The following TTC39C variants were observed in gnomAD, a reference collection of about 807,000 sequenced individuals.
The protein encoded by TTC39C is tetratricopeptide repeat domain 39C, also known as tetratricopeptide repeat protein 39C.
In TTC39C, 33 loss-of-function variants were observed where a neutral mutation model predicts 76.3. The observed-to-expected ratio is 0.43, with a 90% CI of 0.33 to 0.58. The LOEUF (loss-of-function observed/expected upper bound fraction) is 0.58, where lower values mean the gene tolerates loss of function less well. Among genes scored for constraint, TTC39C ranks in the 20% least tolerant of loss-of-function variants. The pLI, the probability that TTC39C is intolerant of heterozygous loss-of-function variation, is 0.04. For missense variants in TTC39C, 595 were observed against 701.4 expected, an observed-to-expected ratio of 0.85 and a Z score of 1.71; for synonymous variants, 254 against 260.6, an observed-to-expected ratio of 0.97 and a Z score of 0.24.
chr18:24,051,708 A>G (rs921093640), intron 1 of TTC39C, among the ~76,000 whole-genome samples: 4 of 152,196 alleles, frequency 2.6e-5, no homozygotes, highest in African/African-American at 7.2e-5. Flanking sequence ...GAATTTCCCC[A>G]CAGCTATCTT....
At position 24,084,608 on chromosome 18, in the gene TTC39C, C is replaced by T. The variant is rs574148346; in HGVS notation, c.984+1527C>T. Among the ~76,000 whole-genome samples, 273 of 152,070 alleles carry T rather than the reference C, an allele frequency of 1.8e-3. 1 individual carries two copies. Among genetic ancestry groups the T allele is most frequent in the Non-Finnish European group, 3.1e-3 (213 of 67,988 alleles). On this transcript the variant is annotated intron_variant, in intron 6 of 13. Coordinates refer to ENST00000317571, the MANE Select transcript of TTC39C (RefSeq NM_001135993.2). The stretch of plus-strand genomic sequence containing the variant: ...TCTTGCAATTGTTTTTCTTTGCATA[C>T]AGGCTCGTGAGCCCTTGGTTGTGTT...
intron 1 of TTC39C, chr18:24,001,670 A>G (rs2145626239): frequency 6.6e-6 from 1 of 152,294 alleles, no homozygotes; most frequent in East Asian, 1.9e-4. Context: ...CTAAGTAAAC[A>G]TTTCACAAAG....
chr18:24,118,061 G>T (rs1568444154), intron 7 of TTC39C, 64 bp from the exon 8 acceptor site: 2 of 1,315,184 alleles, frequency 1.5e-6, no homozygotes, highest in South Asian at 1.4e-5. Context: ...GAGGCTCGTG[G>T]CTTAAATATG....
At position 24,084,635 on chromosome 18, in the gene TTC39C, C is replaced by T. The variant is rs537879491; in HGVS notation, c.984+1554C>T. ...GGCTCGTGAGCCCTTGGTTGTGTTT[C>T]TCCCTTTTTTCTCTCACTGTTTTTT... On this transcript the variant is annotated intron_variant, in intron 6 of 13. Coordinates refer to ENST00000317571, the MANE Select transcript of TTC39C (RefSeq NM_001135993.2). Among the ~76,000 whole-genome samples the T allele has an allele frequency of 1.8e-4, 27 of 151,652 alleles. 1 individual carries two copies. The South Asian group carries it at 5.2e-3, about 29-fold the overall frequency.
At chr18:24,107,890 G>GGGGT (rs1555776838) in intron 6 of TTC39C, among the ~76,000 whole-genome samples, 21 of 144,060 alleles carry the variant, frequency 1.5e-4, no homozygotes, top group Admixed American at 4.0e-4. Flanking sequence ...TCCCAAGTAG[G>GGGGT]GGGGGGGGTA....
At chr18:24,104,688 T>TGTGTGTGTG (rs1555776536) in intron 6 of TTC39C, among the ~76,000 whole-genome samples, 1 of 144,738 alleles carries the variant, frequency 6.9e-6, no homozygotes, top group African/African-American at 2.6e-5. Context: ...AGCAGGGTGT[T>TGTGTGTGTG]TGTGTGTGTG....
Position 24,064,182 on chromosome 18 carries a change from T to C in TTC39C, c.210T>C (p.Ser70=). Residue 70 remains serine, a synonymous_variant, in exon 2 of 14, where the codon AGT becomes AGC. Coordinates refer to ENST00000317571, the MANE Select transcript of TTC39C (RefSeq NM_001135993.2). ...PLMSFGASFV[S]FLNAMMTFEE... ...TGAGTTTTGGAGCCAGCTTTGTCAG[T>C]TTTTTGGTAAGTTGATATCTTAAGA... is the stretch of plus-strand genomic sequence containing the variant. 6.2e-7 allele frequency: 1 copy of C among 1,613,792 alleles called. No individual in the cohort carries two copies. The highest frequency in any genetic ancestry group is 8.5e-7 in the Non-Finnish European group (1 of 1,179,888).
At chr18:24,013,237 T>C (rs923846073), upstream of TTC39C, among the ~76,000 whole-genome samples, 2 of 152,230 alleles carry the variant, frequency 1.3e-5, no homozygotes, top group Non-Finnish European at 2.9e-5. Flanking sequence ...ATGTGAATCG[T>C]CCATTTTCTT....
intron 1 of TTC39C, among the ~76,000 whole-genome samples, chr18:24,045,712 ACTT>A (rs2083860457): frequency 6.6e-6 from 1 of 151,786 alleles, no homozygotes; most frequent in Non-Finnish European, 1.5e-5. Flanking sequence ...GTTTTAAATT[ACTT>A]CTTCTGTGTG....
chr18:24,014,716 C>G, upstream of TTC39C: 2 of 1,098,706 alleles, frequency 1.8e-6, no homozygotes, highest in Non-Finnish European at 2.2e-6. Flanking sequence ...CCTCCGCGGT[C>G]CTTCCCTCCT....
intron 1 of TTC39C, chr18:24,016,864 A>G: frequency 2.5e-6 from 1 of 396,904 alleles, no homozygotes; most frequent in Non-Finnish European, 4.4e-6. Context: ...TCTGCCAAGC[A>G]CAGTGCTAGA....
upstream of TTC39C, among the ~76,000 whole-genome samples, chr18:24,014,040 TG>T (rs1329434083): frequency 6.6e-6 from 1 of 152,116 alleles, no homozygotes; most frequent in Non-Finnish European, 1.5e-5. Context: ...CGGGCTGGAG[TG>T]GGTGGTACCG....
Position 24,030,648 on chromosome 18 carries a change from C to CTTTTTTTTTTT in TTC39C, c.167+15621_167+15631dup, listed in dbSNP as rs1167104790. ...TCTCTCAACAGCCCCAAAGATAGGC[C>CTTTTTTTTTTT]TTTTTTTTTTTTTTTTTTTTTGAGA... On this transcript the variant is annotated intron_variant, in intron 1 of 13. Coordinates refer to ENST00000317571, the MANE Select transcript of TTC39C (RefSeq NM_001135993.2). Among the ~76,000 whole-genome samples, 92 of 89,058 alleles carry CTTTTTTTTTTT rather than the reference C, an allele frequency of 1.0e-3. 4 individuals are homozygous for CTTTTTTTTTTT. The highest frequency in any genetic ancestry group is 1.3e-3 in the Non-Finnish European group (62 of 49,518). 58.4% of individuals were successfully genotyped at this position (89,058 alleles called of 152,430 possible).
At chr18:24,110,779 A>G (rs917306703) in intron 6 of TTC39C, among the ~76,000 whole-genome samples, 4 of 152,234 alleles carry the variant, frequency 2.6e-5, no homozygotes, top group African/African-American at 9.6e-5. Context: ...TAATTTGGCA[A>G]AGGTTTGCGC....
At position 24,064,183 on chromosome 18, in the gene TTC39C, T is replaced by G; in HGVS notation, c.211T>G (p.Phe71Val). 1 of 1,613,806 alleles carries G rather than the reference T, an allele frequency of 6.2e-7. No individual in the cohort carries two copies. The highest frequency in any genetic ancestry group is 1.1e-5 in the South Asian group (1 of 91,060). ...GAGTTTTGGAGCCAGCTTTGTCAGT[T>G]TTTTGGTAAGTTGATATCTTAAGAC... ...LMSFGASFVSFLNAMMTFEEE... is the reference protein window; with the variant it reads ...LMSFGASFVSVLNAMMTFEEE... Residue 71 changes from phenylalanine (F) to valine (V), a missense_variant, in exon 2 of 14, where the codon TTT becomes GTT. Phe to Val is a conservative substitution (Grantham distance 50). Coordinates refer to ENST00000317571, the MANE Select transcript of TTC39C (RefSeq NM_001135993.2).
rs778761309 is a variant in TTC39C, at chr18:24,107,232, G to T, written c.985-7322G>T. On this transcript the variant is annotated intron_variant, in intron 6 of 13. Transcript: ENST00000317571. The stretch of plus-strand genomic sequence containing the variant: ...GTATGTTTAATCTCATGTCTAGTTA[G>T]CTCCCAAATACCTCATGAATATTAG... Among the ~76,000 whole-genome samples, 107 of 152,096 alleles carry T rather than the reference G, an allele frequency of 7.0e-4. 1 individual carries two copies. The highest frequency in any genetic ancestry group is 6.8e-3 in the Middle Eastern group (2 of 294).
At position 24,133,589 on chromosome 18, in the gene TTC39C, G is replaced by A. The variant is rs2085161915; in HGVS notation, c.*1015G>A. The A allele has an allele frequency of 6.6e-6, 1 of 152,158 alleles. No homozygotes were observed. The highest frequency in any genetic ancestry group is 6.5e-5 in the Admixed American group (1 of 15,274). The allele number at this position is 152,158 out of a possible 1,614,324, so 9.4% of individuals were successfully genotyped here. Reference sequence around the variant, plus strand: ...TTTGGCCTCAAAATATTTGCTGGTGGAACATTTGCTGGGCTACACAGTGCC... The same window carrying A: ...TTTGGCCTCAAAATATTTGCTGGTGAAACATTTGCTGGGCTACACAGTGCC... On this transcript the variant is annotated 3_prime_UTR_variant, in exon 14 of 14. Coordinates refer to ENST00000317571, the MANE Select transcript of TTC39C (RefSeq NM_001135993.2).
At chr18:24,023,989 TATATA>T (rs2083559872) in intron 1 of TTC39C, among the ~76,000 whole-genome samples, 1 of 5,018 alleles carries the variant, frequency 2.0e-4, no homozygotes, top group African/African-American at 5.4e-4. Context: ...TACATATATA[TATATA>T]TATATATATA....
At chr18:24,120,304 C>G (rs1048646780) in intron 8 of TTC39C, among the ~76,000 whole-genome samples, 1 of 152,130 alleles carries the variant, frequency 6.6e-6, no homozygotes, top group Non-Finnish European at 1.5e-5. Flanking sequence ...GAGCTGAGAT[C>G]GCTCCACTGC....
Sources: allele counts gnomAD v4.1 joint callset (sites outside exome capture counted in the v4.1 genomes callset), GRCh38; gene constraint gnomAD v4.1.1; transcripts MANE v1.5; gene names NCBI Gene and HGNC (gene_info 2026-07-23, HGNC 2026-07-21).